The following SEC62 variants were observed in gnomAD, a reference collection of about 807,000 sequenced individuals.
The protein encoded by SEC62 is translocation protein SEC62.
SEC62 carries 10 observed loss-of-function variants against 47.5 expected under a neutral mutation model. That is an observed-to-expected ratio of 0.21 (90% CI 0.13 to 0.36). The LOEUF (loss-of-function observed/expected upper bound fraction) is 0.36, where lower values mean the gene tolerates loss of function less well. Among genes scored for constraint, SEC62 ranks in the 10% least tolerant of loss-of-function variants. The pLI is 1.00. For missense variants in SEC62, 327 were observed against 464.1 expected, an observed-to-expected ratio of 0.70 and a Z score of 2.71; for synonymous variants, 136 against 150.5, an observed-to-expected ratio of 0.90 and a Z score of 0.71.
chr3:169,975,445 A>G, intron 1 of SEC62, 163 bp from the exon 2 acceptor site: 1 of 500,072 alleles, frequency 2.0e-6, no homozygotes, highest in Non-Finnish European at 3.6e-6. Context: ...TTAAATCTCC[A>G]TTTTTGTCTT....
chr3:169,976,764 T>C (rs770530216), intron 2 of SEC62, among the ~76,000 whole-genome samples, 182 bp from the exon 3 acceptor site: 2 of 152,230 alleles, frequency 1.3e-5, no homozygotes, highest in Non-Finnish European at 2.9e-5. Flanking sequence ...AGATACTTAA[T>C]ATAGTTCACA....
chr3:169,986,992 G>T (rs994965551), intron 6 of SEC62, among the ~76,000 whole-genome samples: 1 of 151,644 alleles, frequency 6.6e-6, no homozygotes. Flanking sequence ...CTGGGGGTTT[G>T]ATTTGTTTTT....
chr3:169,988,274 T>G lies in SEC62; in HGVS notation c.645T>G (p.Leu215=), dbSNP rs1715155347. Residue 215 remains leucine, a synonymous_variant, in exon 7 of 8, where the codon CTT becomes CTG. Transcript: ENST00000337002. ...TAATAGCGGCCACCCTCTTCCCCCT[T>G]TGGCCAGCAGAAATGAGAGTAGGTG... The part of the protein sequence containing the change: ...IAVIAATLFP[L]WPAEMRVGVY... 1 of 1,613,814 alleles carries G rather than the reference T, an allele frequency of 6.2e-7. No individual in the cohort carries two copies. Among genetic ancestry groups the G allele is most frequent in the Non-Finnish European group, 8.5e-7 (1 of 1,179,882 alleles).
chr3:169,983,933 G>T (rs1240290712), intron 5 of SEC62: 1 of 152,056 alleles, frequency 6.6e-6, no homozygotes, highest in Admixed American at 6.5e-5. Context: ...TCACTTGAGG[G>T]GCTTAAAATT....
chr3:169,986,778 A>G (rs1715118464), intron 6 of SEC62, among the ~76,000 whole-genome samples: 1 of 152,070 alleles, frequency 6.6e-6, no homozygotes, highest in Non-Finnish European at 1.5e-5. Flanking sequence ...CCCAGGCTGG[A>G]ATGCAATGGC....
chr3:169,990,169 A>G (rs572234040), intron 7 of SEC62, among the ~76,000 whole-genome samples: 1 of 151,782 alleles, frequency 6.6e-6, no homozygotes, highest in South Asian at 2.1e-4. Context: ...TGGCAGAATC[A>G]TAGCTCACTG....
At chr3:169,990,273 T>A (rs2108288520) in intron 7 of SEC62, among the ~76,000 whole-genome samples, 1 of 151,922 alleles carries the variant, frequency 6.6e-6, no homozygotes, top group South Asian at 2.1e-4. Flanking sequence ...AGCTAATTTT[T>A]TTTTTTAAAG....
chr3:169,992,574 A>C lies in SEC62; in HGVS notation c.731-20A>C. ...GGCAGTGTTTGAATTACTCAATTAG[A>C]GAAATTTTTCTCCCCACAGCTCGAT... On this transcript the variant is annotated intron_variant, in intron 7 of 7. Transcript: ENST00000337002. The surrounding 1 kb of genome is among the most constrained non-coding windows in gnomAD (Gnocchi z 4.0). The C allele has an allele frequency of 6.4e-7, 1 of 1,566,984 alleles. No homozygotes were observed. Among genetic ancestry groups the C allele is most frequent in the South Asian group, 1.2e-5 (1 of 86,674 alleles).
chr3:169,985,897 G>A lies in SEC62; in HGVS notation c.610+32G>A, dbSNP rs777473207. The A allele has an allele frequency of 4.0e-6, 6 of 1,500,534 alleles. No homozygotes were observed. The East Asian group carries it at 6.8e-5, about 17-fold the overall frequency. 93.0% of individuals were successfully genotyped at this position (1,500,534 alleles called of 1,614,324 possible). A position where few individuals can be genotyped will look rare whatever the true frequency, so the allele number is the denominator to read the frequency against. ...AGTGAGATGTTAATAGCTATAAAGT[G>A]CAATCTAAAATTTAGAAAACAATAT... On this transcript the variant is annotated intron_variant, in intron 6 of 7. Coordinates refer to ENST00000337002, the MANE Select transcript of SEC62 (RefSeq NM_003262.4).
intron 7 of SEC62, among the ~76,000 whole-genome samples, chr3:169,991,192 A>C (rs115860549): frequency 3.4e-3 from 515 of 152,316 alleles, no homozygotes; most frequent in African/African-American, 0.012. Context: ...TCTTGCTTTC[A>C]TTAACATTGT....
chr3:169,980,966 G>A (rs1473524393), intron 3 of SEC62, among the ~76,000 whole-genome samples: 1 of 152,222 alleles, frequency 6.6e-6, no homozygotes, highest in Non-Finnish European at 1.5e-5. Context: ...AGTGCACAAA[G>A]AAAATTAGAA....
At chr3:169,967,134 G>C (rs1249792922) in intron 1 of SEC62, among the ~76,000 whole-genome samples, 1 of 152,340 alleles carries the variant, frequency 6.6e-6, no homozygotes, top group East Asian at 1.9e-4. Context: ...GCGCGGCTGT[G>C]GGCCTGGAGT....
At chr3:169,987,030 G>A (rs1255021643) in intron 6 of SEC62, among the ~76,000 whole-genome samples, 1 of 151,646 alleles carries the variant, frequency 6.6e-6, no homozygotes, top group African/African-American at 2.4e-5. Context: ...GTGTATTCCA[G>A]GAGGTTTTAT....
intron 1 of SEC62, among the ~76,000 whole-genome samples, chr3:169,973,665 A>G (rs1469672306): frequency 2.0e-5 from 3 of 151,526 alleles, no homozygotes; most frequent in Non-Finnish European, 2.9e-5. Context: ...TGCGTCTCAA[A>G]AAAAAAAAAA....
chr3:169,969,106 G>A (rs1264279935), intron 1 of SEC62, among the ~76,000 whole-genome samples: 1 of 152,124 alleles, frequency 6.6e-6, no homozygotes, highest in Non-Finnish European at 1.5e-5. Flanking sequence ...TAGGCAAAAG[G>A]TCTGTAATAC....
At chr3:169,986,525 A>G (rs2108286611) in intron 6 of SEC62, among the ~76,000 whole-genome samples, 1 of 152,252 alleles carries the variant, frequency 6.6e-6, no homozygotes, top group South Asian at 2.1e-4. Flanking sequence ...GTGCAAGGAT[A>G]TTATACCTAG....
At chr3:169,976,327 C>T (rs1714836367) in intron 2 of SEC62, among the ~76,000 whole-genome samples, 1 of 152,130 alleles carries the variant, frequency 6.6e-6, no homozygotes, top group Admixed American at 6.5e-5. Flanking sequence ...ATGATCCCAC[C>T]ACTGTACTCC....
chr3:169,989,656 T>C (rs1715193576), intron 7 of SEC62, among the ~76,000 whole-genome samples: 1 of 152,148 alleles, frequency 6.6e-6, no homozygotes, highest in Non-Finnish European at 1.5e-5. Flanking sequence ...TTATTCTACT[T>C]GCTTATTTTT....
rs1212274334 is a variant in SEC62, at chr3:169,993,789, T to G, written c.*726T>G. The G allele has an allele frequency of 1.3e-5, 2 of 152,668 alleles. No individual in the cohort carries two copies. The highest frequency in any genetic ancestry group is 4.8e-5 in the African/African-American group (2 of 41,458). 9.5% of individuals were successfully genotyped at this position (152,668 alleles called of 1,614,324 possible). On this transcript the variant is annotated 3_prime_UTR_variant, in exon 8 of 8. Transcript: ENST00000337002. ...TTCATTGGCGTAACGTAAAGTGTAT[T>G]CTGTACATAATTTACAAATAAAACA...
Sources: gnomAD v4.1 joint callset for allele counts (sites outside exome capture counted in the v4.1 genomes callset) on GRCh38, gnomAD v4.1.1 for gene constraint, Gnocchi (gnomAD v3.1) non-coding constraint, MANE v1.5 for transcripts, NCBI Gene and HGNC (gene_info 2026-07-23, HGNC 2026-07-21) for gene names.